MEI4: variants seen among roughly 807,000 people sequenced by gnomAD.
MEI4 encodes the protein meiotic double-stranded break formation protein 4.
MEI4 carries 27 observed loss-of-function variants against 31.4 expected under a neutral mutation model. The observed-to-expected ratio is 0.86, with a 90% CI of 0.63 to 1.19. The LOEUF is 1.19. Ranked by LOEUF, MEI4 falls within the 50% of genes most tolerant of loss-of-function variation. MEI4 has a pLI of 0.00. For synonymous variants in MEI4, 122 were observed against 145.4 expected, an observed-to-expected ratio of 0.84 and a Z score of 1.16; for missense variants, 329 against 398.9, an observed-to-expected ratio of 0.82 and a Z score of 1.49.
At chr6:77,811,768 C>T (rs1202422809) in intron 3 of MEI4, among the ~76,000 whole-genome samples, 1 of 132,530 alleles carries the variant, frequency 7.5e-6, no homozygotes, top group African/African-American at 2.8e-5. Flanking sequence ...AGTGAAACTC[C>T]GTCTCAAAAA....
intron 4 of MEI4, among the ~76,000 whole-genome samples, chr6:77,874,342 T>C (rs1349120386): frequency 6.6e-6 from 1 of 152,230 alleles, no homozygotes; most frequent in South Asian, 2.1e-4. Flanking sequence ...GTTGGATTCC[T>C]AGGTATTTTA....
chr6:77,748,463 G>A (rs941284566), intron 2 of MEI4, among the ~76,000 whole-genome samples: 3 of 152,212 alleles, frequency 2.0e-5, no homozygotes, highest in Admixed American at 6.5e-5. Flanking sequence ...AACTGGAGCT[G>A]GAGCAGCTGG....
intron 3 of MEI4, among the ~76,000 whole-genome samples, chr6:77,789,620 A>G (rs1257236166): frequency 6.6e-6 from 1 of 152,214 alleles, no homozygotes; most frequent in East Asian, 1.9e-4. Flanking sequence ...TTCTCAAAAG[A>G]AGACATGTAT....
chr6:77,863,996 G>A (rs909952153), intron 4 of MEI4, among the ~76,000 whole-genome samples: 29 of 152,066 alleles, frequency 1.9e-4, no homozygotes, highest in Non-Finnish European at 3.8e-4. Flanking sequence ...CATAAGTGAA[G>A]GAGAAATAAA....
chr6:77,906,330 A>C (rs773997081), intron 4 of MEI4, among the ~76,000 whole-genome samples: 4 of 152,060 alleles, frequency 2.6e-5, no homozygotes, highest in Non-Finnish European at 5.9e-5. Context: ...TTGGTGTTGA[A>C]AGATCATGCC....
intron 1 of MEI4, among the ~76,000 whole-genome samples, chr6:77,655,761 A>G (rs1768382644): frequency 6.6e-6 from 1 of 152,130 alleles, no homozygotes; most frequent in Admixed American, 6.5e-5. Flanking sequence ...TTCAGATTTA[A>G]ATGACAGACG....
At position 77,738,340 on chromosome 6, in the gene MEI4, C is replaced by A. The variant is rs944839339; in HGVS notation, c.233-22790C>A. ...TTTCACGCATTTGAGAGTGATACCTCTTTTGGTATATTCAAAGTTAGAAGA... is the reference window on the plus strand; with the variant it reads ...TTTCACGCATTTGAGAGTGATACCTATTTTGGTATATTCAAAGTTAGAAGA... On this transcript the variant is annotated intron_variant, in intron 2 of 4. Coordinates refer to ENST00000684080, the MANE Select transcript of MEI4 (RefSeq NM_001322247.2). Among the ~76,000 whole-genome samples the A allele has an allele frequency of 1.2e-4, 19 of 152,136 alleles. 1 individual carries two copies. Among genetic ancestry groups the A allele is most frequent in the African/African-American group, 4.3e-4 (18 of 41,414 alleles).
chr6:77,819,009 G>A (rs35516524), intron 3 of MEI4, among the ~76,000 whole-genome samples: 8,976 of 152,142 alleles, frequency 0.059, 396 homozygotes, highest in Non-Finnish European at 0.094. Flanking sequence ...GGGATTATAG[G>A]TGTAGGCCAC....
chr6:77,802,791 A>G (rs980505287), intron 3 of MEI4, among the ~76,000 whole-genome samples: 6 of 152,206 alleles, frequency 3.9e-5, no homozygotes, highest in Admixed American at 2.6e-4. Context: ...AGAATGTTGA[A>G]TATTGGCTCA....
chr6:77,658,542 GGA>G (rs1184891045), intron 1 of MEI4, among the ~76,000 whole-genome samples: 1 of 152,078 alleles, frequency 6.6e-6, no homozygotes, highest in Non-Finnish European at 1.5e-5. Context: ...GGGGTGGTAT[GGA>G]GAGAGAGTGG....
At chr6:77,671,257 A>G (rs540220643) in intron 1 of MEI4, among the ~76,000 whole-genome samples, 1 of 151,934 alleles carries the variant, frequency 6.6e-6, no homozygotes, top group African/African-American at 2.4e-5. Context: ...ATGGGGTTTC[A>G]CCATGTTGGC....
intron 1 of MEI4, among the ~76,000 whole-genome samples, chr6:77,670,016 C>T (rs577292303): frequency 6.6e-6 from 1 of 152,278 alleles, no homozygotes; most frequent in South Asian, 2.1e-4. Context: ...TTGTTCTCAT[C>T]TCAGACAGAT....
At chr6:77,736,309 C>G (rs9352522) in intron 2 of MEI4, among the ~76,000 whole-genome samples, 2 of 151,820 alleles carry the variant, frequency 1.3e-5, no homozygotes, top group Non-Finnish European at 2.9e-5. Context: ...TATTACCCTC[C>G]GAGCCATGTG....
chr6:77,653,511 A>G (rs1259655127), intron 1 of MEI4, among the ~76,000 whole-genome samples: 1 of 152,204 alleles, frequency 6.6e-6, no homozygotes, highest in Non-Finnish European at 1.5e-5. Flanking sequence ...AAATGAAGGT[A>G]CTATTGCTGC....
intron 4 of MEI4, among the ~76,000 whole-genome samples, chr6:77,832,269 G>T (rs1770101547): frequency 6.6e-6 from 1 of 151,816 alleles, no homozygotes; most frequent in Admixed American, 6.6e-5. Flanking sequence ...ATCTCACCAA[G>T]AACTGTCTGA....
At chr6:77,708,060 G>C (rs557612941) in intron 2 of MEI4, among the ~76,000 whole-genome samples, 2 of 152,306 alleles carry the variant, frequency 1.3e-5, no homozygotes, top group East Asian at 3.9e-4. Flanking sequence ...TCCCACTGGG[G>C]CACTGTCTAG....
At chr6:77,850,706 C>T (rs1770596556) in intron 4 of MEI4, among the ~76,000 whole-genome samples, 1 of 152,098 alleles carries the variant, frequency 6.6e-6, no homozygotes, top group African/African-American at 2.4e-5. Flanking sequence ...TAGGCATTAC[C>T]ATTCAGGACA....
At chr6:77,714,425 CTTCT>C (rs1156342277) in intron 2 of MEI4, among the ~76,000 whole-genome samples, 1 of 152,108 alleles carries the variant, frequency 6.6e-6, no homozygotes, top group African/African-American at 2.4e-5. Context: ...ATATCATTTA[CTTCT>C]TTCTTTAACA....
chr6:77,721,466 G>A (rs1766709105), intron 2 of MEI4, among the ~76,000 whole-genome samples: 1 of 124,324 alleles, frequency 8.0e-6, no homozygotes, highest in Non-Finnish European at 1.7e-5. Flanking sequence ...GTTGGAGAAT[G>A]TGCAGTGGCA....
Sources: gnomAD v4.1 joint callset for allele counts (sites outside exome capture counted in the v4.1 genomes callset) on GRCh38, gnomAD v4.1.1 for gene constraint, MANE v1.5 for transcripts, NCBI Gene and HGNC (gene_info 2026-07-23, HGNC 2026-07-21) for gene names.